Variants in EFCAB3 observed in about 807,000 individuals in gnomAD.
EFCAB3 encodes EF-hand calcium binding domain 3.
In EFCAB3, 36 loss-of-function variants were observed where a neutral mutation model predicts 42.2. The observed-to-expected ratio is 0.85, with a 90% CI of 0.65 to 1.13. The LOEUF is 1.13. Ranked by LOEUF, EFCAB3 falls within the 50% of genes most tolerant of loss-of-function variation. EFCAB3 has a pLI of 0.00. For missense variants in EFCAB3, 418 were observed against 505.1 expected (o/e 0.83, Z 1.65); for synonymous variants, 170 against 172.8 (o/e 0.98, Z 0.13).
chr17:62,414,168 G>A (rs2070524134), intron 9 of EFCAB3, among the ~76,000 whole-genome samples: 1 of 152,232 alleles, frequency 6.6e-6, no homozygotes, highest in Admixed American at 6.5e-5. Flanking sequence ...GTCACAGTGA[G>A]TAGTGTACTC....
chr17:62,378,321 A>G (rs1019933059), upstream of EFCAB3, among the ~76,000 whole-genome samples: 3 of 152,166 alleles, frequency 2.0e-5, no homozygotes, highest in Non-Finnish European at 4.4e-5. Flanking sequence ...ATCACAGTAC[A>G]ATTTACAAAG....
In EFCAB3 at chr17:62,397,236, A is replaced by T. The variant is rs180824724; in HGVS notation, c.488+2048A>T. ...TGCCTGATACCTAAGGAGATTAAAAATGTTTAAGACATAGTATTTAACATA... is the reference window on the plus strand; with the variant it reads ...TGCCTGATACCTAAGGAGATTAAAATTGTTTAAGACATAGTATTTAACATA... On this transcript the variant is annotated intron_variant, in intron 6 of 9. Transcript: ENST00000305286. Among the ~76,000 whole-genome samples the T allele has an allele frequency of 5.9e-5, 9 of 152,346 alleles. No individual in the cohort carries two copies. The East Asian group carries it at 1.7e-3, about 29-fold the overall frequency.
chr17:62,386,295 A>G (rs1347119992), intron 2 of EFCAB3, among the ~76,000 whole-genome samples: 4 of 152,202 alleles, frequency 2.6e-5, no homozygotes, highest in African/African-American at 9.6e-5. Context: ...GTATCTTGAA[A>G]GTATTAATAT....
At chr17:62,393,884 T>TC (rs1758347002) in intron 5 of EFCAB3, among the ~76,000 whole-genome samples, 1 of 152,080 alleles carries the variant, frequency 6.6e-6, no homozygotes, top group African/African-American at 2.4e-5. Flanking sequence ...CCCTTTGGTC[T>TC]CCAACGAGAA....
intron 5 of EFCAB3, among the ~76,000 whole-genome samples, chr17:62,394,364 T>A (rs949184345): frequency 3.3e-5 from 5 of 152,202 alleles, no homozygotes; most frequent in African/African-American, 1.2e-4. Flanking sequence ...CATGTAAATC[T>A]AGGGTGTCGA....
chr17:62,387,430 T>A lies in EFCAB3; in HGVS notation c.151+14T>A. ...CACAAATGGCAGGTAATGAGAATCA[T>A]CCTCAAAATTGAAGCATAACAGCTC... On this transcript the variant is annotated intron_variant, in intron 3 of 9. Transcript: ENST00000305286. The A allele has an allele frequency of 1.9e-6, 3 of 1,604,750 alleles. No individual in the cohort carries two copies. The East Asian group carries it at 6.7e-5, about 36-fold the overall frequency.
At chr17:62,411,149 C>G (rs759992975) in intron 8 of EFCAB3, among the ~76,000 whole-genome samples, 4 of 152,060 alleles carry the variant, frequency 2.6e-5, no homozygotes, top group Admixed American at 6.6e-5. Context: ...TATCAAAAAT[C>G]TTTTAAAATC....
chr17:62,384,630 G>T (rs1387450696), intron 2 of EFCAB3, among the ~76,000 whole-genome samples: 2 of 152,096 alleles, frequency 1.3e-5, no homozygotes, highest in Admixed American at 6.5e-5. Context: ...AAAAATAAAA[G>T]ATCTTTACAC....
intron 9 of EFCAB3, among the ~76,000 whole-genome samples, chr17:62,414,471 C>T (rs758555734): frequency 1.3e-5 from 2 of 152,154 alleles, no homozygotes; most frequent in Non-Finnish European, 2.9e-5. Context: ...TACCTCTACG[C>T]TGGGTCTCAT....
chr17:62,411,725 A>G (rs2070496185), intron 8 of EFCAB3, among the ~76,000 whole-genome samples: 2 of 149,532 alleles, frequency 1.3e-5, no homozygotes, highest in African/African-American at 2.5e-5. Flanking sequence ...CGAGATTTGC[A>G]CCACTGCACT....
intron 3 of EFCAB3, among the ~76,000 whole-genome samples, chr17:62,388,101 T>C (rs137898559): frequency 3.2e-4 from 49 of 151,996 alleles, no homozygotes; most frequent in Non-Finnish European, 6.3e-4. Flanking sequence ...TCCCAGCTAT[T>C]TGGGAGGCTG....
intron 6 of EFCAB3, chr17:62,397,644 A>G: frequency 3.3e-6 from 2 of 599,840 alleles, no homozygotes; most frequent in South Asian, 2.9e-5. Flanking sequence ...AAGAATAGCA[A>G]GAAAATCACA....
chr17:62,380,676 A>G, intron 1 of EFCAB3, 63 bp downstream of exon 1: 7 of 815,952 alleles, frequency 8.6e-6, no homozygotes, highest in Non-Finnish European at 7.4e-6. Context: ...ATTATCTATG[A>G]GAATTGAAGG....
intron 5 of EFCAB3, 146 bp downstream of exon 5, chr17:62,393,790 A>G (rs2144082653): frequency 1.2e-5 from 8 of 659,426 alleles, no homozygotes; most frequent in South Asian, 3.9e-5. Context: ...TCTCCAGAAC[A>G]GTATTTGCTA....
At chr17:62,393,485 C>A in intron 4 of EFCAB3, 88 bp from the exon 5 acceptor site, 1 of 1,016,166 alleles carries the variant, frequency 9.8e-7, no homozygotes, top group Non-Finnish European at 1.4e-6. Flanking sequence ...TTGAATCATC[C>A]AGAGTGTTTT....
chr17:62,402,877 T>G (rs2070415897), intron 6 of EFCAB3, among the ~76,000 whole-genome samples: 1 of 152,212 alleles, frequency 6.6e-6, no homozygotes, highest in Admixed American at 6.5e-5. Context: ...CCAGCTCCTC[T>G]TTGTACCTCT....
At position 62,413,726 on chromosome 17, in the gene EFCAB3, A is replaced by C. The variant is rs368230908; in HGVS notation, c.868-6A>C. ...TACTAACCTTCTTTTTTAAATATGC[A>C]TAAAGGCAGCAAATATAAAGTCTAT... On this transcript the variant is annotated splice_polypyrimidine_tract_variant and splice_region_variant and intron_variant, in intron 8 of 9. Transcript: ENST00000305286. 3.8e-6 allele frequency: 6 copies of C among 1,593,546 alleles called. No individual in the cohort carries two copies. In the African/African-American group the frequency reaches 8.1e-5, roughly 21 times the overall value.
At chr17:62,404,302 G>A (rs767795114) in intron 6 of EFCAB3, among the ~76,000 whole-genome samples, 12 of 152,218 alleles carry the variant, frequency 7.9e-5, no homozygotes, top group Non-Finnish European at 1.3e-4. Context: ...AGAAGTTCAA[G>A]ACCTGCCTGG....
chr17:62,373,615 G>A (rs1274314458), intron 1 of EFCAB3, among the ~76,000 whole-genome samples: 1 of 152,136 alleles, frequency 6.6e-6, no homozygotes, highest in Non-Finnish European at 1.5e-5. Flanking sequence ...GCCAGACAGA[G>A]CCAAAACAAA....
Sources: allele counts gnomAD v4.1 joint callset (sites outside exome capture counted in the v4.1 genomes callset), GRCh38; gene constraint gnomAD v4.1.1; transcripts MANE v1.5; gene names NCBI Gene and HGNC (gene_info 2026-07-23, HGNC 2026-07-21).